CCDC196: variants seen among roughly 807,000 people sequenced by gnomAD.
CCDC196 encodes coiled-coil domain containing 196, also known as coiled-coil domain-containing protein 196.
At chr14:66,490,292 A>G (rs1040430533) in intron 4 of CCDC196, among the ~76,000 whole-genome samples, 1 of 152,184 alleles carries the variant, frequency 6.6e-6, no homozygotes, top group African/African-American at 2.4e-5. Context: ...GTGGTCAAGA[A>G]CACAGGCTTC....
At chr14:66,492,374 TG>T (rs1277955462) in intron 8 of CCDC196, among the ~76,000 whole-genome samples, 180 bp downstream of exon 8, 45 of 151,836 alleles carry the variant, frequency 3.0e-4, no homozygotes, top group Admixed American at 2.8e-3. Flanking sequence ...CTGGCTCTGT[TG>T]CCCAGGCTGG....
rs2057718188 is a variant in CCDC196, at chr14:66,498,488, T to A, written c.*16T>A. The A allele has an allele frequency of 2.4e-6, 1 of 413,076 alleles. No individual in the cohort carries two copies. Among genetic ancestry groups the A allele is most frequent in the African/African-American group, 2.1e-5 (1 of 48,608 alleles). 25.6% of individuals were successfully genotyped at this position (413,076 alleles called of 1,614,324 possible). On this transcript the variant is annotated 3_prime_UTR_variant, in exon 10 of 10. Transcript: ENST00000636229. ...GAAGAATTAGCAGGCTTTCGCTCCA[T>A]TTGCTTTGGACAGATTTAAAGACTA...
intron 7 of CCDC196, 138 bp from the exon 8 acceptor site, chr14:66,491,915 C>A (rs960341262): frequency 7.4e-6 from 3 of 405,816 alleles, no homozygotes; most frequent in Non-Finnish European, 1.3e-5. Flanking sequence ...GGAAAAATCA[C>A]AAATACTTTC....
intron 8 of CCDC196, 129 bp from the exon 9 acceptor site, chr14:66,497,979 TA>T (rs55669545): frequency 0.15 from 44,901 of 301,870 alleles, 548 homozygotes; most frequent in Middle Eastern, 0.21. Flanking sequence ...AGTTATTTTC[TA>T]AAAAAAAAAA....
chr14:66,493,378 A>G (rs1838135286), intron 8 of CCDC196, among the ~76,000 whole-genome samples: 1 of 152,240 alleles, frequency 6.6e-6, no homozygotes, highest in Non-Finnish European at 1.5e-5. Flanking sequence ...TATGAAACTC[A>G]TGAAGTAACA....
At chr14:66,496,604 CTAA>C in intron 8 of CCDC196, 1 of 327,358 alleles carries the variant, frequency 3.1e-6, no homozygotes, top group Non-Finnish European at 6.0e-6. Context: ...TAGGCCCTCC[CTAA>C]CTTCTATAGA....
At chr14:66,489,628 C>G (rs1195629071) in intron 4 of CCDC196, among the ~76,000 whole-genome samples, 1 of 152,082 alleles carries the variant, frequency 6.6e-6, no homozygotes, top group Non-Finnish European at 1.5e-5. Flanking sequence ...GTTTCCCTGC[C>G]TCCTCCTGTA....
chr14:66,493,319 T>C (rs902447589), intron 8 of CCDC196, among the ~76,000 whole-genome samples: 3 of 152,012 alleles, frequency 2.0e-5, no homozygotes, highest in African/African-American at 4.8e-5. Flanking sequence ...CTGGCAGAGG[T>C]AGGCTACAAA....
At chr14:66,490,279 C>T (rs1432085961) in intron 4 of CCDC196, among the ~76,000 whole-genome samples, 1 of 152,142 alleles carries the variant, frequency 6.6e-6, no homozygotes, top group East Asian at 1.9e-4. Context: ...AACAGCATGC[C>T]TAGTGGTCAA....
chr14:66,491,972 C>T, intron 7 of CCDC196, 81 bp from the exon 8 acceptor site: 1 of 409,924 alleles, frequency 2.4e-6, no homozygotes, highest in Non-Finnish European at 4.4e-6. Context: ...TTTTTAACTT[C>T]TGGGTAAAGA....
intron 8 of CCDC196, among the ~76,000 whole-genome samples, chr14:66,495,179 T>C (rs1323406140): frequency 6.6e-6 from 1 of 152,144 alleles, no homozygotes; most frequent in African/African-American, 2.4e-5. Context: ...ACACCGAAAT[T>C]TATCCCAATT....
chr14:66,495,025 CAAAA>C (rs879892685), intron 8 of CCDC196, among the ~76,000 whole-genome samples: 2 of 87,844 alleles, frequency 2.3e-5, no homozygotes, highest in Non-Finnish European at 2.4e-5. Flanking sequence ...GACTTCGTAT[CAAAA>C]AAAAAAAAAA....
chr14:66,497,682 T>C (rs1566719000), intron 8 of CCDC196, among the ~76,000 whole-genome samples: 1 of 152,224 alleles, frequency 6.6e-6, no homozygotes, highest in Non-Finnish European at 1.5e-5. Context: ...TTTTTCTCCT[T>C]TTCATTGCCT....
chr14:66,490,955 C>T, intron 5 of CCDC196, 66 bp from the exon 6 acceptor site: 1 of 413,182 alleles, frequency 2.4e-6, no homozygotes, highest in Non-Finnish European at 4.4e-6. Context: ...AGATTTATGG[C>T]CTGCTGAGAC....
At chr14:66,496,739 T>C (rs750605544) in intron 8 of CCDC196, 1 of 170,872 alleles carries the variant, frequency 5.9e-6, no homozygotes, top group Non-Finnish European at 1.3e-5. Context: ...AAGAGGTTTA[T>C]CTTCAGCAAT....
intron 7 of CCDC196, 97 bp from the exon 8 acceptor site, chr14:66,491,956 A>G: frequency 2.4e-6 from 1 of 408,320 alleles, no homozygotes; most frequent in Non-Finnish European, 4.4e-6. Context: ...AGCATGATGG[A>G]ATTACTTTTT....
At chr14:66,495,801 G>C (rs1396084561) in intron 8 of CCDC196, 1 of 154,684 alleles carries the variant, frequency 6.5e-6, no homozygotes, top group South Asian at 2.0e-4. Flanking sequence ...AATGAAAAAA[G>C]AAAAAAATTT....
chr14:66,493,294 G>C (rs896550963), intron 8 of CCDC196, among the ~76,000 whole-genome samples: 1 of 152,208 alleles, frequency 6.6e-6, no homozygotes, highest in African/African-American at 2.4e-5. Flanking sequence ...AATGCATAAT[G>C]AGAGTACTGT....
Position 66,486,529 on chromosome 14 carries a change from A to T in CCDC196, c.27A>T (p.Gly9=). ...TGACAAGTGGTGCAAACTCTTCAGG[A>T]TCTTACCTGCCCTCAGAAATAAGGT... MTSGANSS[G]SYLPSEIRSS... is the part of the protein sequence containing the mutation. The change falls in exon 1 of 10, where the codon GGA becomes GGT. Residue 9 remains glycine, a synonymous_variant. Transcript: ENST00000636229. 2.4e-6 allele frequency: 1 copy of T among 412,958 alleles called. No individual in the cohort carries two copies. The allele number at this position is 412,958 out of a possible 1,614,324, so 25.6% of individuals were successfully genotyped here. A position where few individuals can be genotyped will look rare whatever the true frequency, so the allele number is the denominator to read the frequency against.
Sources: gnomAD v4.1 joint callset for allele counts (sites outside exome capture counted in the v4.1 genomes callset) on GRCh38, gnomAD v4.1.1 for gene constraint, MANE v1.5 for transcripts, NCBI Gene and HGNC (gene_info 2026-07-23, HGNC 2026-07-21) for gene names.